The following TTBK1 variants were observed in gnomAD, a reference collection of about 807,000 sequenced individuals.
The protein encoded by TTBK1 is tau tubulin kinase 1, also known as tau-tubulin kinase 1.
Under a neutral mutation model 108.5 loss-of-function variants are expected in TTBK1, and 34 were observed. The observed-to-expected ratio is 0.31, with a 90% CI of 0.24 to 0.42. The LOEUF is 0.42. TTBK1 is among the 10% of genes least tolerant of loss of function. The pLI, the probability that TTBK1 is intolerant of heterozygous loss-of-function variation, is 1.00. For synonymous variants in TTBK1, 809 were observed against 795.1 expected (o/e 1.02, Z -0.29); for missense variants, 1,539 against 1,826.0 (o/e 0.84, Z 2.86).
rs1413024816 is a variant in TTBK1 at position 43,283,100 on chromosome 6, G to C, written c.2360G>C (p.Gly787Ala). 6.3e-7 allele frequency: 1 copy of C among 1,581,428 alleles called. No homozygotes were observed. The highest frequency in any genetic ancestry group is 1.3e-5 in the African/African-American group (1 of 74,212). ...GGGGAGGTGCTGGGGCCTCGTAGTG[G>C]CTCCAGCAGTGAGGGGAGTGAGAGG... ...ALGEVLGPRS[G>A]SSSEGSERST... Residue 787 changes from glycine to alanine, a missense_variant, in exon 14 of 15, where the codon GGC becomes GCC. Coordinates refer to ENST00000259750, the MANE Select transcript of TTBK1 (RefSeq NM_032538.3). This position sits in a 1 kb window ranked among gnomAD's most constrained non-coding sequence, Gnocchi z 8.1.
Position 43,285,278 on chromosome 6 carries a change from G to C in TTBK1, c.3868G>C (p.Gly1290Arg). ...RAQPDGTPSP[G>R]GSKKGPRGKL... ...CCAGCCTGATGGCACCCCCTCCCCC[G>C]GGGGCTCCAAGAAAGGACCCAGAGG... The change falls in exon 15 of 15, where the codon GGG (glycine) becomes CGG (arginine). Residue 1290 changes from glycine (G) to arginine (R), a missense_variant. Gly to Arg is a moderately radical substitution (Grantham distance 125). Transcript: ENST00000259750. This position sits in a 1 kb window ranked among gnomAD's most constrained non-coding sequence, Gnocchi z 4.7. 1 of 1,288,810 alleles carries C rather than the reference G, an allele frequency of 7.8e-7. No individual in the cohort carries two copies. The allele number at this position is 1,288,810 out of a possible 1,614,324, so 79.8% of individuals were successfully genotyped here. A position where few individuals can be genotyped will look rare whatever the true frequency, so the allele number is the denominator to read the frequency against.
In TTBK1 at chr6:43,271,314, G is replaced by A. The variant is rs1293861213; in HGVS notation, c.1986+7964G>A. The A allele has an allele frequency of 2.3e-5, 23 of 985,380 alleles. No individual in the cohort carries two copies. In the South Asian group the frequency reaches 7.5e-4, roughly 32 times the overall value. The allele number at this position is 985,380 out of a possible 1,614,324, so 61.0% of individuals were successfully genotyped here. A position where few individuals can be genotyped will look rare whatever the true frequency, so the allele number is the denominator to read the frequency against. ...CTTACGAATGAGCGTTTGTGCATGT[G>A]GAAGGGCTGCCATGGATGAATGCTC... On this transcript the variant is annotated intron_variant, in intron 13 of 14. Transcript: ENST00000259750.
At chr6:43,251,745 G>A (rs540642874) in intron 2 of TTBK1, among the ~76,000 whole-genome samples, 1 of 152,348 alleles carries the variant, frequency 6.6e-6, no homozygotes, top group African/African-American at 2.4e-5. Flanking sequence ...CCCTCCAGGC[G>A]CCGGTCCCAC....
intron 6 of TTBK1, 85 bp from the exon 7 acceptor site, chr6:43,254,964 G>A (rs1351502616): frequency 7.4e-7 from 1 of 1,357,168 alleles, no homozygotes; most frequent in Non-Finnish European, 1.1e-6. Context: ...TGGTCAGGGT[G>A]AAGAGTTAGA....
rs1778011696 is a variant in TTBK1 at position 43,276,790 on chromosome 6, A to C, written c.1987-5937A>C. Among the ~76,000 whole-genome samples the C allele has an allele frequency of 6.6e-6, 1 of 152,050 alleles. No individual in the cohort carries two copies. Among genetic ancestry groups the C allele is most frequent in the Non-Finnish European group, 1.5e-5 (1 of 67,996 alleles). On this transcript the variant is annotated intron_variant, in intron 13 of 14. Transcript: ENST00000259750. This position sits in a 1 kb window ranked among gnomAD's most constrained non-coding sequence, Gnocchi z 5.4. Reference sequence around the variant, plus strand: ...TAGTCTGTTGCTGACTCTGGGACTGAGGGGTGGGCAAGTTCTGGGTCAGTG... The same window carrying C: ...TAGTCTGTTGCTGACTCTGGGACTGCGGGGTGGGCAAGTTCTGGGTCAGTG...
At chr6:43,244,007 C>T (rs763050028) in intron 1 of TTBK1, among the ~76,000 whole-genome samples, 1 of 151,996 alleles carries the variant, frequency 6.6e-6, no homozygotes, top group Non-Finnish European at 1.5e-5. Flanking sequence ...TCATCCCTGA[C>T]GAATCATTCG....
chr6:43,283,563 C>G lies in TTBK1; in HGVS notation c.2823C>G (p.Val941=). ...TTGCGGAGAAAACCCACCTCAACGT[C>G]ATGTCTTCCGGTGGACAAGCCTTGC... ...VHIAEKTHLN[V]MSSGGQALRS... is the part of the protein sequence containing the mutation. Residue 941 remains valine (V), a synonymous_variant, in exon 14 of 15, where the codon GTC becomes GTG. Transcript: ENST00000259750. The surrounding 1 kb of genome is among the most constrained non-coding windows in gnomAD (Gnocchi z 8.1). The G allele has an allele frequency of 6.2e-7, 1 of 1,614,188 alleles. No homozygotes were observed. Among genetic ancestry groups the G allele is most frequent in the South Asian group, 1.1e-5 (1 of 91,088 alleles).
In TTBK1 at chr6:43,269,434, AG is replaced by A. The variant is rs1345552012; in HGVS notation, c.1986+6089del. ...GTGAGAAGTTCCAGAGAGAAGGAGGAGGGGGAAGGGCGTTGGAGGCCAGAGC... is the reference window on the plus strand; with the variant it reads ...GTGAGAAGTTCCAGAGAGAAGGAGGAGGGGAAGGGCGTTGGAGGCCAGAGC... On this transcript the variant is annotated intron_variant, in intron 13 of 14. Transcript: ENST00000259750. The surrounding 1 kb of genome is among the most constrained non-coding windows in gnomAD (Gnocchi z 4.8). Among the ~76,000 whole-genome samples the A allele has an allele frequency of 1.3e-5, 2 of 152,110 alleles. No homozygotes were observed. Among genetic ancestry groups the A allele is most frequent in the African/African-American group, 4.8e-5 (2 of 41,408 alleles).
At chr6:43,254,158 G>T (rs12204749) in intron 5 of TTBK1, among the ~76,000 whole-genome samples, 35,762 of 152,204 alleles carry the variant, frequency 0.23, 4,384 homozygotes, top group East Asian at 0.36. Context: ...GCCCAGAAAG[G>T]TTAGTTGAAA....
Position 43,284,178 on chromosome 6 carries a change from C to G in TTBK1, c.3438C>G (p.Ser1146Arg), listed in dbSNP as rs373579078. ...CGGCAGCGGCCTTGCCCAGGAAGAG[C>G]GGGAGGGCAGCCGCCACCAGGAGCC... is the stretch of plus-strand genomic sequence containing the variant. Reference protein sequence around the residue: ...SEPAAALPRKSGRAAATRSRI... With the variant: ...SEPAAALPRKRGRAAATRSRI... Residue 1146 changes from serine (S) to arginine (R), a missense_variant, in exon 14 of 15, where the codon AGC becomes AGG. By Grantham distance (110) the Ser-to-Arg change is moderately radical. This residue lies in a region of TTBK1 where 1,055 missense variants were observed against 1,086.5 expected (regional missense o/e 0.97). Coordinates refer to ENST00000259750, the MANE Select transcript of TTBK1 (RefSeq NM_032538.3). The G allele has an allele frequency of 3.8e-6, 6 of 1,563,214 alleles. No homozygotes were observed. The African/African-American group carries it at 6.8e-5, about 18-fold the overall frequency.
intron 7 of TTBK1, 112 bp from the exon 8 acceptor site, chr6:43,255,440 T>C: frequency 1.0e-6 from 1 of 995,058 alleles, no homozygotes. Flanking sequence ...GTTCTGTCCT[T>C]AGGGGCCTGG....
At chr6:43,275,806 C>A (rs2150707897) in intron 13 of TTBK1, among the ~76,000 whole-genome samples, 1 of 152,140 alleles carries the variant, frequency 6.6e-6, no homozygotes, top group South Asian at 2.1e-4. Flanking sequence ...ACACCCCCAC[C>A]CCCGAAAATA....
At chr6:43,274,017 T>G (rs1046709623) in intron 13 of TTBK1, among the ~76,000 whole-genome samples, 1 of 152,142 alleles carries the variant, frequency 6.6e-6, no homozygotes, top group African/African-American at 2.4e-5. Context: ...TGAATGAGTG[T>G]GGGGGCCAGT....
intron 13 of TTBK1, chr6:43,272,169 G>A (rs1226327348): frequency 6.1e-6 from 6 of 985,304 alleles, no homozygotes; most frequent in Non-Finnish European, 7.2e-6. Flanking sequence ...CCCACCATCT[G>A]CTCCATAAGT....
intron 13 of TTBK1, chr6:43,271,266 G>T: frequency 1.0e-6 from 1 of 985,510 alleles, no homozygotes; most frequent in Non-Finnish European, 1.2e-6. Flanking sequence ...GTGCATGCGC[G>T]TACACTTGTG....
chr6:43,283,664 C>A lies in TTBK1; in HGVS notation c.2924C>A (p.Ala975Asp), dbSNP rs764867059. Reference sequence around the variant, plus strand: ...GATGGGGGCGCTGTGGAGGAGGGGGCCCGAGCGCCCCTGGAGAACGGCCTC... The same window carrying A: ...GATGGGGGCGCTGTGGAGGAGGGGGACCGAGCGCCCCTGGAGAACGGCCTC... ...ASDGGAVEEG[A>D]RAPLENGLAL... Residue 975 changes from alanine (A) to aspartate (D), a missense_variant, in exon 14 of 15, where the codon GCC (alanine) becomes GAC (aspartate). Transcript: ENST00000259750. This position sits in a 1 kb window ranked among gnomAD's most constrained non-coding sequence, Gnocchi z 8.1. The A allele has an allele frequency of 3.7e-6, 6 of 1,613,762 alleles. No individual in the cohort carries two copies. In the African/African-American group the frequency reaches 4.0e-5, roughly 11 times the overall value.
chr6:43,268,578 C>G (rs1777741264), intron 13 of TTBK1, among the ~76,000 whole-genome samples: 1 of 152,206 alleles, frequency 6.6e-6, no homozygotes, highest in Non-Finnish European at 1.5e-5. Context: ...CAACTGGCCT[C>G]TGTCTCAGGA....
At chr6:43,284,786 G>A (rs1778314007) in intron 14 of TTBK1, among the ~76,000 whole-genome samples, 197 bp from the exon 15 acceptor site, 1 of 152,194 alleles carries the variant, frequency 6.6e-6, no homozygotes, top group Non-Finnish European at 1.5e-5. Flanking sequence ...GCAGCAGCCT[G>A]GAAGCGTGTG....
Position 43,282,308 on chromosome 6 carries a change from T to C in TTBK1, c.1987-419T>C, listed in dbSNP as rs1306231711. 1.3e-5 allele frequency among the ~76,000 whole-genome samples: 2 copies of C among 152,238 alleles called. No homozygotes were observed. Among genetic ancestry groups the C allele is most frequent in the African/African-American group, 2.4e-5 (1 of 41,466 alleles). Reference sequence around the variant, plus strand: ...GCCGTCTCTGGACCTGGCTTTCTCATCTGTAAAAGGAAGGGCTGATCTGCG... The same window carrying C: ...GCCGTCTCTGGACCTGGCTTTCTCACCTGTAAAAGGAAGGGCTGATCTGCG... On this transcript the variant is annotated intron_variant, in intron 13 of 14. Coordinates refer to ENST00000259750, the MANE Select transcript of TTBK1 (RefSeq NM_032538.3). This position sits in a 1 kb window ranked among gnomAD's most constrained non-coding sequence, Gnocchi z 5.4.
Sources: allele counts gnomAD v4.1 joint callset (sites outside exome capture counted in the v4.1 genomes callset), GRCh38; gene constraint gnomAD v4.1.1; regional missense constraint gnomAD v4.1.1; non-coding constraint Gnocchi (gnomAD v3.1); transcripts MANE v1.5; gene names NCBI Gene and HGNC (gene_info 2026-07-23, HGNC 2026-07-21).